Variants in RFX7 observed in about 807,000 individuals in gnomAD.
RFX7 encodes the protein regulatory factor X7.
In RFX7, 26 loss-of-function variants were observed where a neutral mutation model predicts 111.8. The observed-to-expected ratio is 0.23, with a 90% CI of 0.17 to 0.32. The LOEUF (loss-of-function observed/expected upper bound fraction) is 0.32, where lower values mean the gene tolerates loss of function less well. Among genes scored for constraint, RFX7 ranks in the 10% least tolerant of loss-of-function variants. The pLI, the probability that RFX7 is intolerant of heterozygous loss-of-function variation, is 1.00. For synonymous variants in RFX7, 624 were observed against 624.4 expected (o/e 1.00, Z 0.01); for missense variants, 1,573 against 1,772.9 (o/e 0.89, Z 2.02).
chr15:56,144,422 C>A lies in RFX7; in HGVS notation c.257G>T (p.Gly86Val). The change falls in exon 4 of 10, where the codon GGT becomes GTT. Residue 86 changes from glycine to valine, a missense_variant. Physicochemically the swap from Gly to Val is moderately radical, Grantham distance 109. This residue lies in a region of RFX7 where 191 missense variants were observed against 194.2 expected (regional missense o/e 0.98). Transcript: ENST00000559447. Reference protein sequence around the residue: ...KLYLYLQLPSGLSNGEKSDQN... With the variant: ...KLYLYLQLPSVLSNGEKSDQN... Reference sequence around the variant, plus strand: ...ATACCTTTTCTCTCCATTGCTGAGACCAGAAGGCAGCTGAAGGTAGAGGTA... The same window carrying A: ...ATACCTTTTCTCTCCATTGCTGAGAACAGAAGGCAGCTGAAGGTAGAGGTA... 1 of 1,365,098 alleles carries A rather than the reference C, an allele frequency of 7.3e-7. No homozygotes were observed. The highest frequency in any genetic ancestry group is 9.8e-7 in the Non-Finnish European group (1 of 1,019,684). The allele number at this position is 1,365,098 out of a possible 1,614,324, so 84.6% of individuals were successfully genotyped here. A position where few individuals can be genotyped will look rare whatever the true frequency, so the allele number is the denominator to read the frequency against.
intron 5 of RFX7, among the ~76,000 whole-genome samples, chr15:56,142,258 C>T (rs1445160138): frequency 3.3e-5 from 5 of 152,108 alleles, no homozygotes; most frequent in Non-Finnish European, 7.4e-5. Context: ...ATTGTAAATA[C>T]AACCAAATTT....
At chr15:56,100,703 T>C (rs2041740332) in intron 8 of RFX7, among the ~76,000 whole-genome samples, 1 of 151,514 alleles carries the variant, frequency 6.6e-6, no homozygotes, top group South Asian at 2.1e-4. Flanking sequence ...AAATAAGATA[T>C]TTTTAAAAAT....
intron 5 of RFX7, among the ~76,000 whole-genome samples, chr15:56,138,683 G>A (rs1347778246): frequency 7.2e-5 from 11 of 152,070 alleles, no homozygotes; most frequent in Admixed American, 2.0e-4. Context: ...TGTTTTGCCC[G>A]TTAGTTGATG....
intron 2 of RFX7, among the ~76,000 whole-genome samples, chr15:56,190,654 G>C (rs2043090916): frequency 6.6e-6 from 1 of 152,170 alleles, no homozygotes; most frequent in African/African-American, 2.4e-5. Context: ...CTGGGAACTA[G>C]TTAAAATGCA....
chr15:56,136,031 G>T (rs1246767227), intron 5 of RFX7, among the ~76,000 whole-genome samples: 2 of 151,936 alleles, frequency 1.3e-5, no homozygotes, highest in Admixed American at 1.3e-4. Context: ...TTGTAGTATA[G>T]TTTGAAGTCA....
At chr15:56,141,262 C>T (rs1475916937) in intron 5 of RFX7, among the ~76,000 whole-genome samples, 2 of 146,036 alleles carry the variant, frequency 1.4e-5, no homozygotes, top group Non-Finnish European at 1.5e-5. Context: ...GCAGGAGGAT[C>T]GCTTGAGCCC....
chr15:56,095,848 G>C lies in RFX7; in HGVS notation c.1880C>G (p.Ala627Gly). 1 of 1,607,636 alleles carries C rather than the reference G, an allele frequency of 6.2e-7. No individual in the cohort carries two copies. The highest frequency in any genetic ancestry group is 1.3e-5 in the African/African-American group (1 of 75,038). ...NNQSTITLSV[A>G]SQNLTFTSSS... ...GCTGGTGAAAGTTAAGTTCTGAGAAGCAACTGATAGAGTGATAGTGCTTTG... is the reference window on the plus strand; with the variant it reads ...GCTGGTGAAAGTTAAGTTCTGAGAACCAACTGATAGAGTGATAGTGCTTTG... The change falls in exon 10 of 10, where the codon GCT (alanine) becomes GGT (glycine). Residue 627 changes from alanine to glycine, a missense_variant. By Grantham distance (60) the Ala-to-Gly change is moderately conservative (BLOSUM62 0). Around this residue, in one of 7 missense-constraint regions of RFX7, gnomAD observed 625 missense variants for 632.2 expected, o/e 0.99. Transcript: ENST00000559447.
intron 8 of RFX7, among the ~76,000 whole-genome samples, chr15:56,100,262 G>A (rs750885499): frequency 2.0e-5 from 3 of 152,156 alleles, no homozygotes; most frequent in African/African-American, 4.8e-5. Context: ...TAACATAAGT[G>A]AGCTATTTAG....
rs2041633921 is a variant in RFX7, at chr15:56,093,942, A to G, written c.3786T>C (p.Asp1262=). Reference sequence around the variant, plus strand: ...TCATTCCCAAACCTCTCACTGCATCATCATTGTCGGAATCAAGTTTACTCA... The same window carrying G: ...TCATTCCCAAACCTCTCACTGCATCGTCATTGTCGGAATCAAGTTTACTCA... The part of the protein sequence containing the change: ...VLLSKLDSDN[D]DAVRGLGMNN... Residue 1262 remains aspartate, a synonymous_variant, in exon 10 of 10, where the codon GAT becomes GAC. Coordinates refer to ENST00000559447, the MANE Select transcript of RFX7 (RefSeq NM_022841.7). 1.2e-6 allele frequency: 2 copies of G among 1,613,862 alleles called. No individual in the cohort carries two copies. Among genetic ancestry groups the G allele is most frequent in the Admixed American group, 1.7e-5 (1 of 59,990 alleles).
At chr15:56,112,635 A>AT (rs1188080984) in intron 5 of RFX7, among the ~76,000 whole-genome samples, 2 of 152,214 alleles carry the variant, frequency 1.3e-5, no homozygotes, top group Non-Finnish European at 2.9e-5. Context: ...CAATTCCAAC[A>AT]AAAGCTAAAA....
In RFX7 at chr15:56,218,153, T is replaced by C. The variant is rs1004150114; in HGVS notation, c.161+24972A>G. Among the ~76,000 whole-genome samples, 3 of 124,728 alleles carry C rather than the reference T, an allele frequency of 2.4e-5. No individual in the cohort carries two copies. The South Asian group carries it at 8.2e-4, about 34-fold the overall frequency. 81.8% of individuals were successfully genotyped at this position (124,728 alleles called of 152,430 possible). The stretch of plus-strand genomic sequence containing the variant: ...ATTTAGAAATGATTTTCTTTTTTTT[T>C]TTTTTTTTTTTTTTTTTTGAGACGG... On this transcript the variant is annotated intron_variant, in intron 2 of 9. Transcript: ENST00000559447.
intron 5 of RFX7, among the ~76,000 whole-genome samples, chr15:56,108,194 T>A (rs2041857519): frequency 6.6e-6 from 1 of 152,202 alleles, no homozygotes; most frequent in African/African-American, 2.4e-5. Flanking sequence ...GACTCCTCCC[T>A]AACTCATTTT....
At chr15:56,228,434 G>A (rs750171207) in intron 2 of RFX7, among the ~76,000 whole-genome samples, 2 of 151,946 alleles carry the variant, frequency 1.3e-5, no homozygotes, top group Non-Finnish European at 2.9e-5. Context: ...TCATTCAACT[G>A]AAGCAGCAAA....
chr15:56,185,134 T>C (rs1342695409), intron 2 of RFX7, among the ~76,000 whole-genome samples: 1 of 152,212 alleles, frequency 6.6e-6, no homozygotes, highest in Non-Finnish European at 1.5e-5. Flanking sequence ...AAATTTCCAT[T>C]AACTGGAACC....
At chr15:56,147,316 G>A (rs376519577) in intron 3 of RFX7, among the ~76,000 whole-genome samples, 3 of 152,050 alleles carry the variant, frequency 2.0e-5, no homozygotes, top group Admixed American at 6.5e-5. Context: ...TGAAAACATC[G>A]TGCTAAGTGA....
At chr15:56,221,296 C>A (rs927518518) in intron 2 of RFX7, among the ~76,000 whole-genome samples, 2 of 152,162 alleles carry the variant, frequency 1.3e-5, no homozygotes, top group African/African-American at 4.8e-5. Flanking sequence ...AACATTAATT[C>A]TTCCTATACA....
chr15:56,238,772 G>T (rs1418712218), intron 2 of RFX7, among the ~76,000 whole-genome samples: 1 of 152,094 alleles, frequency 6.6e-6, no homozygotes, highest in Non-Finnish European at 1.5e-5. Flanking sequence ...AATACAAGTT[G>T]ACTATCTCTT....
At chr15:56,233,019 C>T (rs983893455) in intron 2 of RFX7, among the ~76,000 whole-genome samples, 6 of 152,182 alleles carry the variant, frequency 3.9e-5, no homozygotes, top group Non-Finnish European at 8.8e-5. Context: ...TGCCTGTTAC[C>T]CAGTTCCAAA....
intron 5 of RFX7, among the ~76,000 whole-genome samples, chr15:56,127,381 C>T (rs1274558151): frequency 2.0e-5 from 3 of 150,536 alleles, no homozygotes; most frequent in Admixed American, 1.3e-4. Flanking sequence ...AGAAAGGTGT[C>T]AAATCAATAA....
Sources: allele counts gnomAD v4.1 joint callset (sites outside exome capture counted in the v4.1 genomes callset), GRCh38; gene constraint gnomAD v4.1.1; regional missense constraint gnomAD v4.1.1; transcripts MANE v1.5; gene names NCBI Gene and HGNC (gene_info 2026-07-23, HGNC 2026-07-21).